TBCE: variants seen among roughly 807,000 people sequenced by gnomAD.
TBCE encodes the protein tubulin-specific chaperone E.
A neutral mutation model predicts 77.0 loss-of-function variants in TBCE; 53 were observed. The ratio of observed to expected loss-of-function variants is 0.69; its 90% CI spans 0.55 to 0.87. The LOEUF (loss-of-function observed/expected upper bound fraction) is 0.87. Ranked by LOEUF, TBCE falls within the 40% of genes least tolerant of loss-of-function variation. TBCE has a pLI of 0.00. For missense variants in TBCE, 624 were observed against 622.4 expected, an observed-to-expected ratio of 1.00 and a Z score of -0.03; for synonymous variants, 235 against 241.3, an observed-to-expected ratio of 0.97 and a Z score of 0.24.
intron 2 of TBCE, among the ~76,000 whole-genome samples, chr1:235,386,507 C>CT (rs1223443817): frequency 3.9e-5 from 6 of 152,072 alleles, no homozygotes; most frequent in African/African-American, 1.4e-4. Flanking sequence ...TCTTTTTATT[C>CT]TTTTTTCTCT....
chr1:235,380,083 C>T lies in TBCE; in HGVS notation c.34C>T (p.Arg12Ter), dbSNP rs544793676. ...CACTTTGACAGCGGATGTCATTGGT[C>T]GAAGAGTTGAAGTTAATGGAGAACA... ...SDTLTADVIG[R>*]RVEVNGEHAT... is the part of the protein sequence containing the mutation. Residue 12 changes from arginine (R) to a stop codon, truncating the protein, a stop_gained, in exon 2 of 17, where the codon CGA becomes TGA. Coordinates refer to ENST00000642610, the MANE Select transcript of TBCE (RefSeq NM_003193.5). LOFTEE classifies it high-confidence loss of function. The T allele has an allele frequency of 4.3e-6, 7 of 1,612,872 alleles. No individual in the cohort carries two copies. Among genetic ancestry groups the T allele is most frequent in the Non-Finnish European group, 5.9e-6 (7 of 1,179,730 alleles).
intron 4 of TBCE, 120 bp downstream of exon 4, chr1:235,414,738 A>G (rs1680018662): frequency 1.1e-6 from 1 of 942,260 alleles, no homozygotes; most frequent in Non-Finnish European, 1.7e-6. Context: ...TTATGGTTCC[A>G]CAGAAACGGA....
Position 235,385,561 on chromosome 1 carries a change from T to C in TBCE, c.100+5412T>C, listed in dbSNP as rs866085948. Among the ~76,000 whole-genome samples, 871 of 152,124 alleles carry C rather than the reference T, an allele frequency of 5.7e-3. 8 individuals are homozygous for C. The highest frequency in any genetic ancestry group is 0.02 in the African/African-American group (841 of 41,434). On this transcript the variant is annotated intron_variant, in intron 2 of 16. Transcript: ENST00000642610. ...TCTTCTTGTTGAATTGATCCCTTTA[T>C]CATTATGTAATGGCCTTCTTTGTGT...
chr1:235,385,062 A>G (rs1677908265), intron 2 of TBCE, among the ~76,000 whole-genome samples: 1 of 151,946 alleles, frequency 6.6e-6, no homozygotes, highest in Non-Finnish European at 1.5e-5. Flanking sequence ...TTCTGTCTTC[A>G]TTTCATTATG....
At chr1:235,447,100 C>T (rs1682392210) in intron 15 of TBCE, among the ~76,000 whole-genome samples, 1 of 152,094 alleles carries the variant, frequency 6.6e-6, no homozygotes. Context: ...AAAGCCAGTC[C>T]GTCTCAATCT....
At chr1:235,400,613 G>T (rs1031139196) in intron 2 of TBCE, among the ~76,000 whole-genome samples, 1 of 151,620 alleles carries the variant, frequency 6.6e-6, no homozygotes, top group Admixed American at 6.6e-5. Flanking sequence ...TGTTAGCCAG[G>T]ATGGTCTCGA....
intron 3 of TBCE, among the ~76,000 whole-genome samples, chr1:235,405,044 C>G (rs1239450072): frequency 2.0e-5 from 3 of 151,196 alleles, no homozygotes; most frequent in African/African-American, 7.3e-5. Flanking sequence ...CTCACTGCAA[C>G]CTCTGCCTCC....
intron 4 of TBCE, chr1:235,418,502 C>G (rs181649484): frequency 6.6e-6 from 1 of 152,304 alleles, no homozygotes; most frequent in South Asian, 2.1e-4. Context: ...AAATGGCTGC[C>G]GGAAGTATCT....
chr1:235,408,432 A>AT (rs34222562), intron 3 of TBCE, among the ~76,000 whole-genome samples: 20,855 of 144,504 alleles, frequency 0.14, 1,810 homozygotes, highest in African/African-American at 0.25. Flanking sequence ...GTGTTGGAAG[A>AT]TTTTTTTTTT....
At chr1:235,381,624 GCAGTGAGCCGAGACCACGC>G (rs1677650045) in intron 2 of TBCE, among the ~76,000 whole-genome samples, 1 of 135,474 alleles carries the variant, frequency 7.4e-6, no homozygotes, top group Non-Finnish European at 1.5e-5. Context: ...GGTGGAGGTT[GCAGTGAGCCGAGACCACGC>G]CACTGCACCC....
intron 2 of TBCE, among the ~76,000 whole-genome samples, chr1:235,397,899 TGCTCCTCTATCATTAATGTACTG>T (rs1464795806): frequency 1.3e-5 from 2 of 152,166 alleles, no homozygotes; most frequent in African/African-American, 4.8e-5. Context: ...TTTCTGTAGT[TGCTCCTCTATCATTAATGTACTG>T]GCCCCAGGGG....
At chr1:235,397,131 C>T (rs1462543864) in intron 2 of TBCE, among the ~76,000 whole-genome samples, 2 of 151,486 alleles carry the variant, frequency 1.3e-5, no homozygotes, top group African/African-American at 2.4e-5. Flanking sequence ...TGCGCCACCA[C>T]GCCCAGCTAA....
chr1:235,380,450 A>C (rs1169846124), intron 2 of TBCE, among the ~76,000 whole-genome samples: 1 of 152,166 alleles, frequency 6.6e-6, no homozygotes, highest in Non-Finnish European at 1.5e-5. Context: ...AAAAGTCTTG[A>C]AACCTCATAA....
At chr1:235,405,383 C>T (rs1679361849) in intron 3 of TBCE, among the ~76,000 whole-genome samples, 1 of 150,826 alleles carries the variant, frequency 6.6e-6, no homozygotes. Flanking sequence ...TGCCTGTAAT[C>T]CCAGCACTTT....
chr1:235,421,434 G>A (rs184972019), intron 5 of TBCE, among the ~76,000 whole-genome samples: 54 of 152,192 alleles, frequency 3.5e-4, no homozygotes, highest in African/African-American at 9.4e-4. Flanking sequence ...GAGGCTGGGC[G>A]CAGTGGCTCA....
At chr1:235,433,261 C>T (rs933619175) in intron 7 of TBCE, 15 of 1,071,120 alleles carry the variant, frequency 1.4e-5, no homozygotes, top group Non-Finnish European at 1.8e-5. Context: ...TGCTCTGTTG[C>T]CTAGGCTGGA....
At chr1:235,369,762 G>A (rs974882362) in intron 1 of TBCE, among the ~76,000 whole-genome samples, 2 of 150,390 alleles carry the variant, frequency 1.3e-5, no homozygotes, top group African/African-American at 2.5e-5. Flanking sequence ...GGGGGCAGGC[G>A]CGGAGGTTGC....
intron 1 of TBCE, among the ~76,000 whole-genome samples, chr1:235,369,642 C>T (rs1320072050): frequency 2.1e-5 from 3 of 143,618 alleles, no homozygotes; most frequent in African/African-American, 5.3e-5. Context: ...GCCAAAGTGG[C>T]GAAACCCCGT....
chr1:235,378,919 A>G (rs545290389), intron 1 of TBCE, among the ~76,000 whole-genome samples: 27 of 152,282 alleles, frequency 1.8e-4, no homozygotes, highest in African/African-American at 6.3e-4. Context: ...TTGGAAATTA[A>G]CCATATTTGT....
Sources: allele counts gnomAD v4.1 joint callset (sites outside exome capture counted in the v4.1 genomes callset), GRCh38; gene constraint gnomAD v4.1.1; transcripts MANE v1.5; gene names NCBI Gene and HGNC (gene_info 2026-07-23, HGNC 2026-07-21).